Variants in CASP9 observed in about 807,000 individuals in gnomAD.
CASP9 encodes caspase-9.
In CASP9, 29 loss-of-function variants were observed where a neutral mutation model predicts 43.5. The observed-to-expected ratio is 0.67, with a 90% CI of 0.50 to 0.91. The LOEUF (loss-of-function observed/expected upper bound fraction) is 0.91. CASP9 is among the 40% of genes least tolerant of loss of function. CASP9 has a pLI of 0.00. For synonymous variants in CASP9, 206 were observed against 211.9 expected, an observed-to-expected ratio of 0.97 and a Z score of 0.24; for missense variants, 575 against 537.4, an observed-to-expected ratio of 1.07 and a Z score of -0.69.
chr1:15,517,743 C>G (rs1436809522), intron 2 of CASP9, among the ~76,000 whole-genome samples: 1 of 152,078 alleles, frequency 6.6e-6, no homozygotes, highest in Non-Finnish European at 1.5e-5. Context: ...TGAGGCCTGT[C>G]TCCTGCCCCC....
intron 2 of CASP9, among the ~76,000 whole-genome samples, chr1:15,510,472 T>C (rs944387124): frequency 2.0e-5 from 3 of 152,194 alleles, no homozygotes; most frequent in South Asian, 2.1e-4. Context: ...CTGAGAACAT[T>C]TGCTCATTTC....
rs1708901329 is a variant in CASP9 at position 15,491,745 on chromosome 1, G to C, written c.*1198C>G. The C allele has an allele frequency of 5.6e-6, 1 of 177,334 alleles. No individual in the cohort carries two copies. The highest frequency in any genetic ancestry group is 1.2e-5 in the Non-Finnish European group (1 of 82,470). The allele number at this position is 177,334 out of a possible 1,614,324, so 11.0% of individuals were successfully genotyped here. ...TGCACTCCAGCCTGGGCGACAGAGT[G>C]AGACCCTATCTCCAAAAAAAAAGGC... is the stretch of plus-strand genomic sequence containing the variant. On this transcript the variant is annotated 3_prime_UTR_variant, in exon 9 of 9. Coordinates refer to ENST00000333868, the MANE Select transcript of CASP9 (RefSeq NM_001229.5).
intron 2 of CASP9, among the ~76,000 whole-genome samples, chr1:15,509,849 G>T (rs534869306): frequency 6.6e-6 from 1 of 152,282 alleles, no homozygotes; most frequent in African/African-American, 2.4e-5. Context: ...GAATAAAGAT[G>T]ATTATTTTCC....
At chr1:15,493,460 C>T (rs1708968149) in intron 8 of CASP9, 1 of 1,267,120 alleles carries the variant, frequency 7.9e-7, no homozygotes, top group Admixed American at 3.7e-5. Flanking sequence ...CTATCTGTTT[C>T]CTCACTGGGG....
chr1:15,503,647 T>C (rs1709411337), intron 6 of CASP9, among the ~76,000 whole-genome samples: 1 of 152,084 alleles, frequency 6.6e-6, no homozygotes, highest in Admixed American at 6.6e-5. Context: ...TCCACCAACG[T>C]GGAATAGGGA....
intron 6 of CASP9, among the ~76,000 whole-genome samples, chr1:15,496,340 T>G (rs2103328679): frequency 2.0e-5 from 3 of 152,316 alleles, no homozygotes; most frequent in African/African-American, 7.2e-5. Context: ...TGAAACCTTT[T>G]TCTATAAGAT....
rs967454449 is a variant in CASP9, at chr1:15,495,364, G to T, written c.957C>A (p.Phe319Leu). The change falls in exon 7 of 9, where the codon TTC (phenylalanine) becomes TTA (leucine). Residue 319 changes from phenylalanine (F) to leucine (L), a missense_variant. By Grantham distance (22) the Phe-to-Leu change is conservative (BLOSUM62 0). Coordinates refer to ENST00000333868, the MANE Select transcript of CASP9 (RefSeq NM_001229.5). ...GGTCGAAGGTCCTCAAACCTTCCTG[G>T]AACGGGGTGGCATCTGGCTCGGGGT... The part of the protein sequence containing the change: ...GSNPEPDATP[F>L]QEGLRTFDQL... 3 of 1,609,874 alleles carry T rather than the reference G, an allele frequency of 1.9e-6. No homozygotes were observed. In the South Asian group the frequency reaches 3.3e-5, roughly 18 times the overall value.
At chr1:15,496,232 A>T (rs1709100955) in intron 6 of CASP9, among the ~76,000 whole-genome samples, 1 of 152,222 alleles carries the variant, frequency 6.6e-6, no homozygotes, top group Non-Finnish European at 1.5e-5. Flanking sequence ...TCATGATAAA[A>T]ACAGTCAACA....
intron 8 of CASP9, chr1:15,493,536 A>C: frequency 7.2e-7 from 1 of 1,393,316 alleles, no homozygotes; most frequent in Non-Finnish European, 9.3e-7. Context: ...AGAAGACTAC[A>C]TGATGCCCAC....
chr1:15,495,491 TACACA>T, intron 6 of CASP9, 39 bp from the exon 7 acceptor site: 2 of 1,511,642 alleles, frequency 1.3e-6, no homozygotes, highest in Non-Finnish European at 1.8e-6. Context: ...GTCATTGAAA[TACACA>T]GACAAGGATG....
intron 2 of CASP9, among the ~76,000 whole-genome samples, chr1:15,513,889 C>T (rs1372936601): frequency 6.6e-6 from 1 of 152,118 alleles, no homozygotes; most frequent in Admixed American, 6.6e-5. Flanking sequence ...TTCTGATTTC[C>T]CCATCTGTAT....
rs554549696 is a variant in CASP9, at chr1:15,493,007, A to T, written c.1187T>A (p.Ile396Asn). 2.4e-5 allele frequency: 39 copies of T among 1,614,104 alleles called. No homozygotes were observed. In the East Asian group the frequency reaches 6.7e-4, roughly 28 times the overall value. The change falls in exon 9 of 9, where the codon ATT becomes AAT. Residue 396 changes from isoleucine (I) to asparagine (N), a missense_variant. Transcript: ENST00000333868. ...AAAGCAACCAGGCATCTGTTTATAA[A>T]TCCCTTTCACCGAAACAGCATTAGC... Reference protein sequence around the residue: ...RVANAVSVKGIYKQMPGCFNF... With the variant: ...RVANAVSVKGNYKQMPGCFNF...
At chr1:15,497,340 GAA>G in intron 6 of CASP9, among the ~76,000 whole-genome samples, 2 of 143,770 alleles carry the variant, frequency 1.4e-5, no homozygotes, top group Middle Eastern at 8.2e-3. Flanking sequence ...AAGAAAGAAA[GAA>G]AGAAAAATAA....
intron 7 of CASP9, 105 bp from the exon 8 acceptor site, chr1:15,494,106 A>T (rs985243313): frequency 2.9e-6 from 4 of 1,383,394 alleles, no homozygotes; most frequent in Non-Finnish European, 3.9e-6. Flanking sequence ...CCAGACCTTG[A>T]CTCATACATA....
rs1222258542 is a variant in CASP9 at position 15,518,368 on chromosome 1, G to A, written c.160C>T (p.Gln54Ter). 6.2e-7 allele frequency: 1 copy of A among 1,613,354 alleles called. No homozygotes were observed. The highest frequency in any genetic ancestry group is 8.5e-7 in the Non-Finnish European group (1 of 1,179,650). The change falls in exon 2 of 9, where the codon CAG (glutamine) becomes TAG (stop). Residue 54 changes from glutamine (Q) to a stop codon, truncating the protein, a stop_gained. Transcript: ENST00000333868. LOFTEE classifies it high-confidence loss of function. ...AGATCTATGATCAGCTGCCTGGCCTGATCCCGCCGAGATCCAGAGCCTGCC... is the reference window on the plus strand; with the variant it reads ...AGATCTATGATCAGCTGCCTGGCCTAATCCCGCCGAGATCCAGAGCCTGCC... ...QRAGSGSRRD[Q>*]ARQLIIDLET...
At chr1:15,504,549 G>T (rs1476867148) in intron 6 of CASP9, 62 bp downstream of exon 6, 1 of 1,529,828 alleles carries the variant, frequency 6.5e-7, no homozygotes, top group Non-Finnish European at 8.8e-7. Context: ...GCTGGAGAAA[G>T]AAGCAGGTGG....
intron 1 of CASP9, among the ~76,000 whole-genome samples, chr1:15,518,976 G>T (rs1710070830): frequency 6.6e-6 from 1 of 151,374 alleles, no homozygotes; most frequent in Non-Finnish European, 1.5e-5. Context: ...CAAGGTTCAA[G>T]CGATTATCCT....
In CASP9 at chr1:15,506,196, C is replaced by T; in HGVS notation, c.631-117G>A. ...AGGCATGGTGGTTCACGCCTGTAAT[C>T]CCAGCACTTTGGGAGGCCAAGGCAG... On this transcript the variant is annotated intron_variant, in intron 4 of 8. Coordinates refer to ENST00000333868, the MANE Select transcript of CASP9 (RefSeq NM_001229.5). The T allele has an allele frequency of 7.2e-6, 5 of 696,324 alleles. No homozygotes were observed. The South Asian group carries it at 8.2e-5, about 11-fold the overall frequency. The allele number at this position is 696,324 out of a possible 1,614,324, so 43.1% of individuals were successfully genotyped here.
chr1:15,495,583 A>T, intron 6 of CASP9, 131 bp from the exon 7 acceptor site: 1 of 778,124 alleles, frequency 1.3e-6, no homozygotes, highest in Non-Finnish European at 1.9e-6. Flanking sequence ...CCCCAAACTC[A>T]TTAAGCCAAA....
Sources: allele counts gnomAD v4.1 joint callset (sites outside exome capture counted in the v4.1 genomes callset), GRCh38; gene constraint gnomAD v4.1.1; transcripts MANE v1.5; gene names NCBI Gene and HGNC (gene_info 2026-07-23, HGNC 2026-07-21).